Variants in ST8SIA1 observed in about 807,000 individuals in gnomAD.
ST8SIA1 encodes ST8 alpha-N-acetyl-neuraminide alpha-2,8-sialyltransferase 1, also known as alpha-N-acetylneuraminide alpha-2,8-sialyltransferase.
Under a neutral mutation model 35.9 loss-of-function variants are expected in ST8SIA1, and 16 were observed. The observed-to-expected ratio is 0.45, with a 90% CI of 0.30 to 0.68. The LOEUF (loss-of-function observed/expected upper bound fraction) is 0.68, where lower values mean the gene tolerates loss of function less well. Among genes scored for constraint, ST8SIA1 ranks in the 30% least tolerant of loss-of-function variants. The pLI, the probability that ST8SIA1 is intolerant of heterozygous loss-of-function variation, is 0.09. For missense variants in ST8SIA1, 383 were observed against 453.6 expected (o/e 0.84, Z 1.41); for synonymous variants, 170 against 169.6 (o/e 1.00, Z -0.02).
intron 1 of ST8SIA1, among the ~76,000 whole-genome samples, chr12:22,333,670 A>G (rs1402046911): frequency 6.6e-6 from 1 of 152,246 alleles, no homozygotes; most frequent in African/African-American, 2.4e-5. Context: ...TATTAAGTGC[A>G]AGAGACTAAG....
chr12:22,285,877 C>CAAACAAAAAAAAAAAAACAA (rs1481110959), intron 2 of ST8SIA1, among the ~76,000 whole-genome samples: 1 of 103,632 alleles, frequency 9.6e-6, no homozygotes, highest in African/African-American at 3.7e-5. Context: ...CTGTCAAAAA[C>CAAACAAAAAAAAAAAAACAA]AAAAAAAAAA....
At chr12:22,257,903 G>A (rs1865745643) in intron 2 of ST8SIA1, among the ~76,000 whole-genome samples, 1 of 152,014 alleles carries the variant, frequency 6.6e-6, no homozygotes. Context: ...TCACTATACT[G>A]CTATGAGAAC....
chr12:22,268,126 C>T (rs1244241388), intron 2 of ST8SIA1, among the ~76,000 whole-genome samples: 1 of 152,170 alleles, frequency 6.6e-6, no homozygotes, highest in African/African-American at 2.4e-5. Context: ...CAGAGCCTAC[C>T]ACATAGGTAT....
rs66890410 is a variant in ST8SIA1, at chr12:22,199,159, C to CTTTTTTTT, written c.*2385_*2392dup. On this transcript the variant is annotated 3_prime_UTR_variant, in exon 5 of 5. Coordinates refer to ENST00000396037, the MANE Select transcript of ST8SIA1 (RefSeq NM_003034.4). ...ATAATATTTTCTTTCTTTTTCTTTTCTTTTTTTTTTTTTTGAGACAGGGTC... is the reference window on the plus strand; with the variant it reads ...ATAATATTTTCTTTCTTTTTCTTTTCTTTTTTTTTTTTTTTTTTTTTTGAGACAGGGTC... 1 of 139,868 alleles carries CTTTTTTTT rather than the reference C, an allele frequency of 7.1e-6. No homozygotes were observed. Among genetic ancestry groups the CTTTTTTTT allele is most frequent in the Non-Finnish European group, 1.5e-5 (1 of 65,424 alleles). The allele number at this position is 139,868 out of a possible 1,614,324, so 8.7% of individuals were successfully genotyped here.
intron 4 of ST8SIA1, among the ~76,000 whole-genome samples, chr12:22,236,572 G>A (rs1354311086): frequency 6.6e-6 from 1 of 152,150 alleles, no homozygotes; most frequent in Non-Finnish European, 1.5e-5. Flanking sequence ...GTGGCATATC[G>A]GCATATCAAT....
chr12:22,218,570 A>C (rs1420719218), intron 4 of ST8SIA1, among the ~76,000 whole-genome samples: 2 of 150,754 alleles, frequency 1.3e-5, no homozygotes, highest in Admixed American at 1.3e-4. Context: ...GTGGGCCGAG[A>C]TCATGCCATT....
chr12:22,225,611 G>A (rs559634127), intron 4 of ST8SIA1, among the ~76,000 whole-genome samples: 2 of 152,164 alleles, frequency 1.3e-5, no homozygotes, highest in Admixed American at 6.5e-5. Context: ...AGCCACCAAC[G>A]TACAAACTTA....
Position 22,196,660 on chromosome 12 carries a change from T to C in ST8SIA1, c.*4892A>G, listed in dbSNP as rs1295869503. 1 of 152,076 alleles carries C rather than the reference T, an allele frequency of 6.6e-6. No individual in the cohort carries two copies. Among genetic ancestry groups the C allele is most frequent in the Non-Finnish European group, 1.5e-5 (1 of 68,024 alleles). The allele number at this position is 152,076 out of a possible 1,614,324, so 9.4% of individuals were successfully genotyped here. A position where few individuals can be genotyped will look rare whatever the true frequency, so the allele number is the denominator to read the frequency against. ...GTAGGAACTGGTAGAATATTTGATATCTCCCTAGCTTCAAGGACTCAGACT... is the reference window on the plus strand; with the variant it reads ...GTAGGAACTGGTAGAATATTTGATACCTCCCTAGCTTCAAGGACTCAGACT... On this transcript the variant is annotated 3_prime_UTR_variant, in exon 5 of 5. Transcript: ENST00000396037.
intron 1 of ST8SIA1, among the ~76,000 whole-genome samples, chr12:22,298,441 G>A (rs1409304748): frequency 1.3e-5 from 2 of 152,114 alleles, no homozygotes; most frequent in Non-Finnish European, 2.9e-5. Flanking sequence ...CACCCAGCTG[G>A]GTCCACCACA....
chr12:22,271,885 G>A (rs1865915001), intron 2 of ST8SIA1, among the ~76,000 whole-genome samples: 1 of 152,116 alleles, frequency 6.6e-6, no homozygotes, highest in Non-Finnish European at 1.5e-5. Flanking sequence ...CCTAAAACAT[G>A]AAATTTAAAT....
At chr12:22,244,497 G>C (rs113049984) in intron 4 of ST8SIA1, among the ~76,000 whole-genome samples, 33 of 151,834 alleles carry the variant, frequency 2.2e-4, no homozygotes, top group African/African-American at 7.7e-4. Flanking sequence ...TGTCTCACTC[G>C]ACAGACTTCG....
intron 1 of ST8SIA1, among the ~76,000 whole-genome samples, chr12:22,298,137 C>T (rs1416341284): frequency 2.0e-5 from 3 of 152,184 alleles, no homozygotes; most frequent in Non-Finnish European, 4.4e-5. Context: ...TTCTGCACCC[C>T]TTCCTCCATA....
At chr12:22,294,471 A>G (rs1866219224) in intron 1 of ST8SIA1, among the ~76,000 whole-genome samples, 1 of 152,262 alleles carries the variant, frequency 6.6e-6, no homozygotes, top group South Asian at 2.1e-4. Flanking sequence ...GCTTCAAAAT[A>G]ATGTTTTCTA....
At chr12:22,248,626 G>A (rs781763658) in intron 4 of ST8SIA1, among the ~76,000 whole-genome samples, 1 of 152,230 alleles carries the variant, frequency 6.6e-6, no homozygotes, top group South Asian at 2.1e-4. Flanking sequence ...TAATGGATTG[G>A]CCATTGCTTT....
rs185053324 is a variant in ST8SIA1 at position 22,208,149 on chromosome 12, A to G, written c.585-6111T>C. 3.2e-3 allele frequency among the ~76,000 whole-genome samples: 485 copies of G among 151,784 alleles called. 8 individuals carry two copies. Among genetic ancestry groups the G allele is most frequent in the African/African-American group, 0.011 (457 of 41,464 alleles). ...TGTCTGTCTCACAAAAAAAAAAAAA[A>G]AAAGAAGCAAAATCAATAATAAAAC... On this transcript the variant is annotated intron_variant, in intron 4 of 4. Coordinates refer to ENST00000396037, the MANE Select transcript of ST8SIA1 (RefSeq NM_003034.4).
At chr12:22,217,988 T>C (rs912897878) in intron 4 of ST8SIA1, among the ~76,000 whole-genome samples, 2 of 152,164 alleles carry the variant, frequency 1.3e-5, no homozygotes, top group Non-Finnish European at 2.9e-5. Flanking sequence ...TGAAATAAAA[T>C]TTAAACATGT....
chr12:22,249,214 TTTTTTG>T (rs1865637905), intron 3 of ST8SIA1, 116 bp from the exon 4 acceptor site: 10 of 662,788 alleles, frequency 1.5e-5, no homozygotes, highest in African/African-American at 2.1e-5. Context: ...AACTGTTTTG[TTTTTTG>T]TTTTTTTTTT....
At chr12:22,309,218 C>T (rs1024086458) in intron 1 of ST8SIA1, among the ~76,000 whole-genome samples, 1 of 152,124 alleles carries the variant, frequency 6.6e-6, no homozygotes, top group African/African-American at 2.4e-5. Flanking sequence ...CCTTGCTAGA[C>T]CTCCTCCCTC....
In ST8SIA1 at chr12:22,226,932, TTTTG is replaced by T. The variant is rs550910302; in HGVS notation, c.584+22070_584+22073del. On this transcript the variant is annotated intron_variant, in intron 4 of 4. Coordinates refer to ENST00000396037, the MANE Select transcript of ST8SIA1 (RefSeq NM_003034.4). ...TATGCGTGTTTTTCCTCTGAGTCTT[TTTTG>T]TTTGTTTGTTTGTTTGTTGTTGTTG... is the stretch of plus-strand genomic sequence containing the variant. Among the ~76,000 whole-genome samples the T allele has an allele frequency of 6.2e-4, 94 of 152,172 alleles. 2 individuals are homozygous for T. The highest frequency in any genetic ancestry group is 1.7e-3 in the Admixed American group (26 of 15,284).
Sources: allele counts gnomAD v4.1 joint callset (sites outside exome capture counted in the v4.1 genomes callset), GRCh38; gene constraint gnomAD v4.1.1; transcripts MANE v1.5; gene names NCBI Gene and HGNC (gene_info 2026-07-23, HGNC 2026-07-21).